Variants in PPP1R12B observed in about 807,000 individuals in gnomAD.
The protein encoded by PPP1R12B is myosin phosphatase target subunit 2.
A neutral mutation model predicts 126.1 loss-of-function variants in PPP1R12B; 76 were observed. The ratio of observed to expected loss-of-function variants is 0.60; its 90% CI spans 0.50 to 0.73. The LOEUF (loss-of-function observed/expected upper bound fraction) is 0.73. Ranked by LOEUF, PPP1R12B falls within the 30% of genes least tolerant of loss-of-function variation. The pLI, the probability that PPP1R12B is intolerant of heterozygous loss-of-function variation, is 0.00. For missense variants in PPP1R12B, 1,052 were observed against 1,205.1 expected (o/e 0.87, Z 1.88); for synonymous variants, 356 against 434.7 (o/e 0.82, Z 2.25).
chr1:202,456,325 G>A (rs757444660), intron 13 of PPP1R12B, among the ~76,000 whole-genome samples: 8 of 151,960 alleles, frequency 5.3e-5, no homozygotes, highest in African/African-American at 1.9e-4. Context: ...TTGAAAATAC[G>A]TTTAGGAGGA....
At chr1:202,525,603 T>C (rs1683237016) in intron 18 of PPP1R12B, among the ~76,000 whole-genome samples, 1 of 151,896 alleles carries the variant, frequency 6.6e-6, no homozygotes, top group South Asian at 2.1e-4. Flanking sequence ...AAAAGCTTTT[T>C]TTTTTTTTCT....
rs1300438408 is a variant in PPP1R12B at position 202,377,510 on chromosome 1, T to G, written c.291+28368T>G. 2.0e-5 allele frequency among the ~76,000 whole-genome samples: 3 copies of G among 151,850 alleles called. No homozygotes were observed. The East Asian group carries it at 5.8e-4, about 29-fold the overall frequency. Reference sequence around the variant, plus strand: ...TAGTAGAGACGGGGTTTCACCGTGTTAGCCAGGATGGTCTCGATCTCCCGA... The same window carrying G: ...TAGTAGAGACGGGGTTTCACCGTGTGAGCCAGGATGGTCTCGATCTCCCGA... On this transcript the variant is annotated intron_variant, in intron 1 of 23. Coordinates refer to ENST00000608999, the MANE Select transcript of PPP1R12B (RefSeq NM_002481.4).
intron 1 of PPP1R12B, among the ~76,000 whole-genome samples, chr1:202,396,025 C>T (rs1201026111): frequency 6.6e-6 from 1 of 152,240 alleles, no homozygotes; most frequent in East Asian, 1.9e-4. Context: ...CTTCTGTATG[C>T]TCCTCACCCT....
rs1687245859 is a variant in PPP1R12B at position 202,558,992 on chromosome 1, A to C, written c.2507+99A>C. 55 of 1,247,508 alleles carry C rather than the reference A, an allele frequency of 4.4e-5. No individual in the cohort carries two copies. In the South Asian group the frequency reaches 7.3e-4, roughly 17 times the overall value. The allele number at this position is 1,247,508 out of a possible 1,614,324, so 77.3% of individuals were successfully genotyped here. ...ATATAATAATTCAGTAATGTTTCTC[A>C]CATCCTTTCCATCCTTTTCATTTCC... is the stretch of plus-strand genomic sequence containing the variant. On this transcript the variant is annotated intron_variant, in intron 19 of 23. Transcript: ENST00000608999.
At chr1:202,380,436 T>C (rs1558153362) in intron 1 of PPP1R12B, among the ~76,000 whole-genome samples, 1 of 152,188 alleles carries the variant, frequency 6.6e-6, no homozygotes, top group Non-Finnish European at 1.5e-5. Context: ...GGTTTTGATA[T>C]GACCTGTGAG....
chr1:202,431,306 C>A (rs1216788376), intron 7 of PPP1R12B, among the ~76,000 whole-genome samples, 174 bp from the exon 8 acceptor site: 2 of 152,182 alleles, frequency 1.3e-5, no homozygotes, highest in East Asian at 1.9e-4. Context: ...ACTCTGTCGT[C>A]AAATACTAAA....
At chr1:202,371,744 C>T (rs1191441658) in intron 1 of PPP1R12B, among the ~76,000 whole-genome samples, 1 of 151,970 alleles carries the variant, frequency 6.6e-6, no homozygotes, top group East Asian at 1.9e-4. Flanking sequence ...TTTGTATACC[C>T]TTCACCCAGC....
intron 6 of PPP1R12B, among the ~76,000 whole-genome samples, chr1:202,429,150 T>G (rs1014059451): frequency 1.3e-5 from 2 of 152,224 alleles, no homozygotes; most frequent in East Asian, 1.9e-4. Context: ...TAAGATAGCC[T>G]TCAAGAAGCT....
chr1:202,577,580 T>G (rs1236056566), intron 23 of PPP1R12B, among the ~76,000 whole-genome samples: 1 of 152,124 alleles, frequency 6.6e-6, no homozygotes, highest in Non-Finnish European at 1.5e-5. Context: ...TTTTTTTTTT[T>G]TTAATAGTTC....
At chr1:202,500,506 A>T (rs914490437) in intron 18 of PPP1R12B, among the ~76,000 whole-genome samples, 2 of 152,176 alleles carry the variant, frequency 1.3e-5, no homozygotes, top group Admixed American at 1.3e-4. Context: ...TAAATACCTC[A>T]TGTTCTCTCT....
At chr1:202,374,001 C>A (rs1192396882) in intron 1 of PPP1R12B, among the ~76,000 whole-genome samples, 1 of 151,754 alleles carries the variant, frequency 6.6e-6, no homozygotes, top group Non-Finnish European at 1.5e-5. Context: ...CGTTAATAAC[C>A]CTGGGAAATT....
rs761117785 is a variant in PPP1R12B, at chr1:202,440,744, C to T, written c.1497C>T (p.Pro499=). ...ENKSYISSLA[P]RKLNSTSDIE... The stretch of plus-strand genomic sequence containing the variant: ...AAAGCTATATTAGTTCACTAGCACC[C>T]CGGAAGCTCAACAGCACAAGTGATA... The change falls in exon 11 of 24, where the codon CCC becomes CCT. Residue 499 remains proline, a synonymous_variant. Transcript: ENST00000608999. The T allele has an allele frequency of 9.3e-6, 15 of 1,613,784 alleles. No individual in the cohort carries two copies. The highest frequency in any genetic ancestry group is 1.3e-5 in the Non-Finnish European group (15 of 1,179,896).
chr1:202,505,800 G>A (rs1250340143), intron 18 of PPP1R12B, among the ~76,000 whole-genome samples: 1 of 151,944 alleles, frequency 6.6e-6, no homozygotes, highest in African/African-American at 2.4e-5. Context: ...GCTTTTAACA[G>A]ACTTAAAGAG....
chr1:202,451,016 G>T (rs1672849584), intron 13 of PPP1R12B, among the ~76,000 whole-genome samples: 1 of 151,818 alleles, frequency 6.6e-6, no homozygotes, highest in Admixed American at 6.6e-5. Context: ...CTTTATTTGT[G>T]TGCTGTTTAA....
chr1:202,546,235 G>A (rs1331094679), intron 18 of PPP1R12B, among the ~76,000 whole-genome samples: 2 of 152,134 alleles, frequency 1.3e-5, no homozygotes, highest in Admixed American at 1.3e-4. Flanking sequence ...GATAGAATGG[G>A]GATAAGGATG....
chr1:202,515,240 A>G (rs1681990646), intron 18 of PPP1R12B, among the ~76,000 whole-genome samples: 1 of 152,198 alleles, frequency 6.6e-6, no homozygotes, highest in Non-Finnish European at 1.5e-5. Context: ...AACCCCTGTG[A>G]CACAAGTTTA....
intron 2 of PPP1R12B, among the ~76,000 whole-genome samples, chr1:202,421,301 CTT>C (rs764287116): frequency 2.9e-4 from 40 of 136,698 alleles, no homozygotes; most frequent in Middle Eastern, 3.8e-3. Flanking sequence ...TTATCTCTCT[CTT>C]TTTTTTTTTT....
At chr1:202,367,330 G>C (rs1659411489) in intron 1 of PPP1R12B, among the ~76,000 whole-genome samples, 1 of 152,144 alleles carries the variant, frequency 6.6e-6, no homozygotes. Context: ...ACTTACATAA[G>C]CTTTATGTAA....
intron 12 of PPP1R12B, among the ~76,000 whole-genome samples, chr1:202,443,784 T>C (rs1671913346): frequency 6.6e-6 from 1 of 152,240 alleles, no homozygotes; most frequent in Admixed American, 6.5e-5. Flanking sequence ...AAAGCTGCCA[T>C]TTAATTTCCA....
Sources: gnomAD v4.1 joint callset for allele counts (sites outside exome capture counted in the v4.1 genomes callset) on GRCh38, gnomAD v4.1.1 for gene constraint, MANE v1.5 for transcripts, NCBI Gene and HGNC (gene_info 2026-07-23, HGNC 2026-07-21) for gene names.